Variants in RARB observed in about 807,000 individuals in gnomAD.
The protein encoded by RARB is HBV-activated protein.
A neutral mutation model predicts 51.9 loss-of-function variants in RARB; 17 were observed. The observed-to-expected ratio is 0.33, with a 90% confidence interval of 0.22 to 0.49. RARB has a LOEUF of 0.49. RARB is among the 20% of genes least tolerant of loss of function. RARB has a pLI of 0.99. For synonymous variants in RARB, 215 were observed against 195.4 expected, an observed-to-expected ratio of 1.10 and a Z score of -0.84; for missense variants, 369 against 550.8, an observed-to-expected ratio of 0.67 and a Z score of 3.30.
chr3:24,904,378 A>G (rs906024377), intron 2 of RARB, among the ~76,000 whole-genome samples: 6 of 152,218 alleles, frequency 3.9e-5, no homozygotes, highest in Admixed American at 3.3e-4. Context: ...TTTCAAAAGA[A>G]GACATTTATG....
At chr3:25,310,066 G>A (rs1008284790) in intron 5 of RARB, among the ~76,000 whole-genome samples, 5 of 152,200 alleles carry the variant, frequency 3.3e-5, no homozygotes, top group Admixed American at 3.3e-4. Flanking sequence ...ATGTGATGAA[G>A]TCTGGCCTGT....
chr3:25,453,791 G>C (rs764750068), intron 1 of RARB, among the ~76,000 whole-genome samples: 3 of 152,120 alleles, frequency 2.0e-5, no homozygotes, highest in Non-Finnish European at 4.4e-5. Flanking sequence ...TTAGGGTCAC[G>C]GGCAGGTTAC....
chr3:25,189,077 G>A (rs1701040646), intron 5 of RARB, among the ~76,000 whole-genome samples: 1 of 152,094 alleles, frequency 6.6e-6, no homozygotes, highest in Admixed American at 6.6e-5. Flanking sequence ...ATGCAGAGAA[G>A]CACAAATGAC....
intron 5 of RARB, among the ~76,000 whole-genome samples, chr3:25,321,049 T>A (rs948317948): frequency 1.3e-5 from 2 of 152,188 alleles, no homozygotes; most frequent in Non-Finnish European, 2.9e-5. Context: ...TTCGGAGCAC[T>A]TTTTTTCCAA....
intron 5 of RARB, among the ~76,000 whole-genome samples, chr3:25,364,131 T>A (rs976400735): frequency 1.3e-5 from 2 of 152,190 alleles, no homozygotes; most frequent in African/African-American, 4.8e-5. Context: ...CTATTCTTTT[T>A]TTGTTTTATT....
chr3:25,456,682 TAGAG>T (rs201238732), intron 1 of RARB, among the ~76,000 whole-genome samples: 6,038 of 87,834 alleles, frequency 0.069, 198 homozygotes, highest in Admixed American at 0.12. Flanking sequence ...TATATATATA[TAGAG>T]AGAGAGAGAG....
At chr3:25,042,134 T>C (rs887975658) in intron 2 of RARB, among the ~76,000 whole-genome samples, 8 of 152,350 alleles carry the variant, frequency 5.3e-5, no homozygotes, top group African/African-American at 1.9e-4. Context: ...GGAAATATTA[T>C]CAGACCTTAC....
intron 3 of RARB, among the ~76,000 whole-genome samples, chr3:25,076,691 AAAAC>A (rs1208566415): frequency 6.6e-6 from 1 of 152,180 alleles, no homozygotes; most frequent in Non-Finnish European, 1.5e-5. Flanking sequence ...TGTTTTGTGA[AAAAC>A]AAATTTTTTG....
intron 4 of RARB, among the ~76,000 whole-genome samples, chr3:25,570,362 C>T (rs574423283): frequency 6.6e-6 from 1 of 152,102 alleles, no homozygotes; most frequent in Non-Finnish European, 1.5e-5. Context: ...TTTTAAAAAC[C>T]CCAATCCATC....
At chr3:24,878,637 C>T (rs1216892621) in intron 2 of RARB, among the ~76,000 whole-genome samples, 2 of 152,106 alleles carry the variant, frequency 1.3e-5, no homozygotes, top group African/African-American at 4.8e-5. Context: ...GGCCTCTACC[C>T]ACTAGATGCC....
chr3:24,994,095 T>C (rs917648398), intron 2 of RARB, among the ~76,000 whole-genome samples: 1 of 152,202 alleles, frequency 6.6e-6, no homozygotes, highest in Non-Finnish European at 1.5e-5. Flanking sequence ...ATCTCCATGG[T>C]GGCTGTACTA....
intron 2 of RARB, among the ~76,000 whole-genome samples, chr3:24,896,444 A>G (rs1273785444): frequency 6.6e-6 from 1 of 152,066 alleles, no homozygotes; most frequent in Non-Finnish European, 1.5e-5. Context: ...TATTTTTAGT[A>G]GAGACAGGGT....
At chr3:25,492,609 T>C (rs2125593900) in intron 2 of RARB, among the ~76,000 whole-genome samples, 1 of 152,320 alleles carries the variant, frequency 6.6e-6, no homozygotes, top group South Asian at 2.1e-4. Context: ...GAGGTTCAGC[T>C]CTCAAGGATT....
At chr3:25,389,335 A>T (rs1427068965) in intron 5 of RARB, among the ~76,000 whole-genome samples, 2 of 152,168 alleles carry the variant, frequency 1.3e-5, no homozygotes, top group African/African-American at 4.8e-5. Flanking sequence ...CTTTTACCCA[A>T]CAAGGTCCAT....
chr3:25,043,350 T>C (rs575252347), intron 2 of RARB, among the ~76,000 whole-genome samples: 2 of 152,380 alleles, frequency 1.3e-5, no homozygotes, highest in East Asian at 3.9e-4. Context: ...ATTTGCATTC[T>C]TACACCAGTG....
At chr3:25,022,416 G>A (rs1184038559) in intron 2 of RARB, among the ~76,000 whole-genome samples, 2 of 152,152 alleles carry the variant, frequency 1.3e-5, no homozygotes, top group Non-Finnish European at 2.9e-5. Context: ...AAGTTGTATA[G>A]GATTTCATTT....
chr3:24,899,213 T>C (rs1233451134), intron 2 of RARB, among the ~76,000 whole-genome samples: 3 of 152,164 alleles, frequency 2.0e-5, no homozygotes, highest in Non-Finnish European at 4.4e-5. Context: ...AAACCAAGCA[T>C]GGAGCCCTTT....
intron 5 of RARB, among the ~76,000 whole-genome samples, chr3:25,304,841 C>T (rs185087641): frequency 3.4e-4 from 52 of 152,304 alleles, no homozygotes; most frequent in African/African-American, 1.1e-3. Context: ...TAGAAGAGCA[C>T]CTAATCTCAC....
chr3:25,296,292 T>C (rs977225), intron 5 of RARB, among the ~76,000 whole-genome samples: 20,251 of 152,096 alleles, frequency 0.13, 1,605 homozygotes, highest in South Asian at 0.22. Flanking sequence ...GGCTTTTTTT[T>C]CCCCCAAAGA....
Sources: gnomAD v4.1 joint callset for allele counts (sites outside exome capture counted in the v4.1 genomes callset) on GRCh38, gnomAD v4.1.1 for gene constraint, MANE v1.5 for transcripts, NCBI Gene and HGNC (gene_info 2026-07-23, HGNC 2026-07-21) for gene names.